Variants in EPHA6 observed in about 807,000 individuals in gnomAD.
The protein encoded by EPHA6 is ephrin type-A receptor 6.
EPHA6 carries 50 observed loss-of-function variants against 112.0 expected under a neutral mutation model. That is an observed-to-expected ratio of 0.45 (90% CI 0.36 to 0.56). The LOEUF (loss-of-function observed/expected upper bound fraction) is 0.56, where lower values mean the gene tolerates loss of function less well. Among genes scored for constraint, EPHA6 ranks in the 20% least tolerant of loss-of-function variants. The pLI is 0.00. For missense variants in EPHA6, 1,280 were observed against 1,417.4 expected (o/e 0.90, Z 1.56); for synonymous variants, 529 against 490.7 (o/e 1.08, Z -1.03).
intron 2 of EPHA6, among the ~76,000 whole-genome samples, chr3:96,979,982 G>T (rs1329590880): frequency 6.6e-5 from 10 of 151,986 alleles, no homozygotes; most frequent in Non-Finnish European, 1.0e-4. Context: ...TTGCAAAAAT[G>T]TTCTCCCATT....
At chr3:96,850,715 G>T (rs2035330099) in intron 1 of EPHA6, among the ~76,000 whole-genome samples, 1 of 146,522 alleles carries the variant, frequency 6.8e-6, no homozygotes, top group Admixed American at 6.7e-5. Flanking sequence ...GAACAGAGTT[G>T]TATGAATTTA....
chr3:96,917,802 C>T (rs2039563893), intron 2 of EPHA6, among the ~76,000 whole-genome samples: 1 of 152,044 alleles, frequency 6.6e-6, no homozygotes, highest in Non-Finnish European at 1.5e-5. Context: ...AAATGACAGC[C>T]TCCCCGGGTG....
At chr3:97,395,295 A>C (rs2086636196) in intron 5 of EPHA6, among the ~76,000 whole-genome samples, 1 of 151,836 alleles carries the variant, frequency 6.6e-6, no homozygotes, top group South Asian at 2.1e-4. Context: ...ATAAAAACAA[A>C]AGCACAGGAG....
chr3:97,281,762 C>T (rs1480431103), intron 5 of EPHA6, among the ~76,000 whole-genome samples: 4 of 152,068 alleles, frequency 2.6e-5, no homozygotes, highest in Admixed American at 6.5e-5. Flanking sequence ...CACAACATGC[C>T]TAGGTACAGT....
intron 3 of EPHA6, among the ~76,000 whole-genome samples, chr3:97,134,445 C>A (rs1280865135): frequency 6.6e-6 from 1 of 152,072 alleles, no homozygotes; most frequent in Non-Finnish European, 1.5e-5. Context: ...ATGTGCAAAT[C>A]TGCCCAAGTG....
chr3:97,079,855 C>T (rs556068172), intron 3 of EPHA6, among the ~76,000 whole-genome samples: 2 of 151,600 alleles, frequency 1.3e-5, no homozygotes, highest in Non-Finnish European at 2.9e-5. Flanking sequence ...AGGCTCTCCA[C>T]CAGCAAAAAA....
At chr3:96,909,673 G>A (rs79920495) in intron 2 of EPHA6, among the ~76,000 whole-genome samples, 2,032 of 151,952 alleles carry the variant, frequency 0.013, 45 homozygotes, top group African/African-American at 0.044. Flanking sequence ...ATTCAAAATA[G>A]TACATCTTAT....
rs139080344 is a variant in EPHA6, at chr3:97,414,844, A to C, written c.1731+9570A>C. On this transcript the variant is annotated intron_variant, in intron 6 of 17. Coordinates refer to ENST00000389672, the MANE Select transcript of EPHA6 (RefSeq NM_001080448.3). ...CAAATGTTCCTTGGACTTTTCAGAGAGATTCTATGCCTATTGTCCCTCATG... is the reference window on the plus strand; with the variant it reads ...CAAATGTTCCTTGGACTTTTCAGAGCGATTCTATGCCTATTGTCCCTCATG... Among the ~76,000 whole-genome samples the C allele has an allele frequency of 3.6e-3, 555 of 152,140 alleles. 2 individuals carry two copies. Among genetic ancestry groups the C allele is most frequent in the African/African-American group, 0.012 (519 of 41,548 alleles).
At chr3:97,672,593 A>G (rs925373447) in intron 14 of EPHA6, among the ~76,000 whole-genome samples, 1 of 152,000 alleles carries the variant, frequency 6.6e-6, no homozygotes, top group Non-Finnish European at 1.5e-5. Context: ...GTCCTGTTGT[A>G]TTTCTACCCT....
chr3:96,956,349 G>T (rs1245224093), intron 2 of EPHA6, among the ~76,000 whole-genome samples: 1 of 152,190 alleles, frequency 6.6e-6, no homozygotes, highest in Non-Finnish European at 1.5e-5. Flanking sequence ...TGCCCAGATA[G>T]CTATGATCCA....
intron 14 of EPHA6, among the ~76,000 whole-genome samples, chr3:97,702,174 T>C (rs1387289565): frequency 6.6e-6 from 1 of 152,200 alleles, no homozygotes; most frequent in Non-Finnish European, 1.5e-5. Flanking sequence ...CCCCTTTCAC[T>C]TACATGGATT....
intron 14 of EPHA6, among the ~76,000 whole-genome samples, chr3:97,689,429 A>T (rs989760745): frequency 1.3e-5 from 2 of 152,198 alleles, no homozygotes; most frequent in South Asian, 2.1e-4. Flanking sequence ...TATAAAAATT[A>T]ATTTTATTTA....
intron 2 of EPHA6, among the ~76,000 whole-genome samples, chr3:96,875,807 C>T (rs2036909348): frequency 6.6e-6 from 1 of 151,926 alleles, no homozygotes; most frequent in African/African-American, 2.4e-5. Context: ...ATCTTCTTGA[C>T]TTACATAAAA....
chr3:97,366,189 T>C (rs1053947076), intron 5 of EPHA6, among the ~76,000 whole-genome samples: 1 of 152,222 alleles, frequency 6.6e-6, no homozygotes, highest in Admixed American at 6.5e-5. Context: ...TGATCCTTTG[T>C]ATTTCCCTCT....
At chr3:97,569,291 C>T (rs1238093601) in intron 11 of EPHA6, among the ~76,000 whole-genome samples, 1 of 151,936 alleles carries the variant, frequency 6.6e-6, no homozygotes, top group East Asian at 1.9e-4. Context: ...CAATAAAAGC[C>T]TATTAAATTA....
At chr3:97,508,049 C>A (rs979112297) in intron 10 of EPHA6, among the ~76,000 whole-genome samples, 1 of 152,034 alleles carries the variant, frequency 6.6e-6, no homozygotes. Flanking sequence ...ATTCTTTTCT[C>A]TTTTCTTCTT....
chr3:97,722,907 A>T (rs2034594766), intron 15 of EPHA6, among the ~76,000 whole-genome samples: 1 of 152,142 alleles, frequency 6.6e-6, no homozygotes, highest in Admixed American at 6.6e-5. Flanking sequence ...CCACCCATTT[A>T]GTAACCATGG....
At chr3:97,325,042 C>T (rs577425382) in intron 5 of EPHA6, among the ~76,000 whole-genome samples, 3 of 151,980 alleles carry the variant, frequency 2.0e-5, no homozygotes, top group South Asian at 2.1e-4. Flanking sequence ...TTTGGAGGTA[C>T]GCTGGCTGGG....
At chr3:97,030,290 T>C (rs2044779747) in intron 3 of EPHA6, among the ~76,000 whole-genome samples, 2 of 152,124 alleles carry the variant, frequency 1.3e-5, no homozygotes, top group African/African-American at 4.8e-5. Flanking sequence ...TAGTTCACAC[T>C]GGACCCCATT....
Sources: allele counts gnomAD v4.1 joint callset (sites outside exome capture counted in the v4.1 genomes callset), GRCh38; gene constraint gnomAD v4.1.1; transcripts MANE v1.5; gene names NCBI Gene and HGNC (gene_info 2026-07-23, HGNC 2026-07-21).